ADAMTSL1: variants seen among roughly 807,000 people sequenced by gnomAD.
ADAMTSL1 encodes the protein ADAMTS-like protein 1.
ADAMTSL1 carries 126 observed loss-of-function variants against 201.8 expected under a neutral mutation model. That is an observed-to-expected ratio of 0.62 (90% CI 0.54 to 0.72). ADAMTSL1 has a LOEUF of 0.72. ADAMTSL1 is among the 30% of genes least tolerant of loss of function. The pLI, the probability that ADAMTSL1 is intolerant of heterozygous loss-of-function variation, is 0.00. For synonymous variants in ADAMTSL1, 1,121 were observed against 903.4 expected, an observed-to-expected ratio of 1.24 and a Z score of -4.32; for missense variants, 2,679 against 2,277.8, an observed-to-expected ratio of 1.18 and a Z score of -3.59.
intron 20 of ADAMTSL1, among the ~76,000 whole-genome samples, chr9:18,813,613 A>T (rs2131162503): frequency 6.6e-6 from 1 of 152,274 alleles, no homozygotes; most frequent in Non-Finnish European, 1.5e-5. Flanking sequence ...GATTATTTTC[A>T]GGTAGTTTAC....
At position 18,504,884 on chromosome 9, in the gene ADAMTSL1, G is replaced by A; in HGVS notation, c.119G>A (p.Gly40Asp). The A allele has an allele frequency of 4.3e-6, 7 of 1,613,466 alleles. No homozygotes were observed. Among genetic ancestry groups the A allele is most frequent in the Non-Finnish European group, 5.9e-6 (7 of 1,179,834 alleles). The change falls in exon 2 of 29, where the codon GGC (glycine) becomes GAC (aspartate). Residue 40 changes from glycine to aspartate, a missense_variant. Coordinates refer to ENST00000380548, the MANE Select transcript of ADAMTSL1 (RefSeq NM_001040272.6). ...EDRDGLWDAW[G>D]PWSECSRTCG... ...CGGGACGGCCTATGGGATGCCTGGG[G>A]CCCATGGAGTGAATGCTCACGCACC...
intron 14 of ADAMTSL1, among the ~76,000 whole-genome samples, chr9:18,717,473 A>G (rs945875098): frequency 1.3e-5 from 2 of 152,078 alleles, no homozygotes; most frequent in Admixed American, 6.5e-5. Context: ...ATTTTCTACA[A>G]TAATAGTGAC....
intron 4 of ADAMTSL1, among the ~76,000 whole-genome samples, chr9:18,593,380 A>G (rs1160477871): frequency 6.6e-6 from 1 of 151,566 alleles, no homozygotes; most frequent in Non-Finnish European, 1.5e-5. Flanking sequence ...GATCTTTTAT[A>G]TTGTTTTCCT....
intron 2 of ADAMTSL1, among the ~76,000 whole-genome samples, chr9:18,451,181 T>C (rs1246472993): frequency 6.6e-6 from 1 of 152,172 alleles, no homozygotes; most frequent in East Asian, 1.9e-4. Context: ...TTATCAAAGC[T>C]GAGAATATTC....
intron 1 of ADAMTSL1, among the ~76,000 whole-genome samples, chr9:18,139,672 A>T (rs1826313945): frequency 6.6e-6 from 1 of 152,180 alleles, no homozygotes; most frequent in Non-Finnish European, 1.5e-5. Context: ...TAGCTATCCT[A>T]TGTGACTGCT....
At chr9:18,109,446 A>G (rs1490601161) in intron 1 of ADAMTSL1, among the ~76,000 whole-genome samples, 1 of 152,144 alleles carries the variant, frequency 6.6e-6, no homozygotes, top group Non-Finnish European at 1.5e-5. Flanking sequence ...TCTGAAGAAT[A>G]CTAAGTGCCC....
intron 26 of ADAMTSL1, among the ~76,000 whole-genome samples, chr9:18,897,709 G>C (rs1407113007): frequency 6.6e-6 from 1 of 152,218 alleles, no homozygotes; most frequent in Admixed American, 6.5e-5. Flanking sequence ...TCAAAGGTCA[G>C]CAACCTCAAC....
chr9:18,284,120 T>C (rs943249991), intron 2 of ADAMTSL1, among the ~76,000 whole-genome samples: 3 of 151,038 alleles, frequency 2.0e-5, no homozygotes, highest in African/African-American at 4.9e-5. Context: ...ATTCCACTAC[T>C]CGGGAGGCTG....
At chr9:18,549,615 C>T (rs934059147) in intron 3 of ADAMTSL1, among the ~76,000 whole-genome samples, 6 of 151,944 alleles carry the variant, frequency 3.9e-5, no homozygotes, top group African/African-American at 1.4e-4. Context: ...TATTCTTTTC[C>T]TAATGAGTGT....
intron 2 of ADAMTSL1, among the ~76,000 whole-genome samples, chr9:18,373,104 G>C (rs1587000124): frequency 6.6e-6 from 1 of 152,154 alleles, no homozygotes; most frequent in Non-Finnish European, 1.5e-5. Flanking sequence ...GTTTAAGTTG[G>C]ATTATTTCTG....
intron 1 of ADAMTSL1, among the ~76,000 whole-genome samples, chr9:18,073,752 A>G (rs1443919452): frequency 6.6e-6 from 1 of 152,222 alleles, no homozygotes; most frequent in African/African-American, 2.4e-5. Flanking sequence ...GGGATTAAAA[A>G]TAACAGATTC....
chr9:18,477,452 C>T (rs1821509802), intron 1 of ADAMTSL1, among the ~76,000 whole-genome samples: 1 of 152,184 alleles, frequency 6.6e-6, no homozygotes. Context: ...CCCTCTGGCA[C>T]TCTCTCCCAC....
intron 3 of ADAMTSL1, among the ~76,000 whole-genome samples, chr9:18,572,968 C>T (rs564923165): frequency 1.6e-4 from 25 of 152,206 alleles, no homozygotes; most frequent in Non-Finnish European, 3.1e-4. Flanking sequence ...TATCAAAAAG[C>T]CCTTCCAAGG....
chr9:18,824,224 G>A (rs1285323607), intron 21 of ADAMTSL1, among the ~76,000 whole-genome samples: 1 of 151,640 alleles, frequency 6.6e-6, no homozygotes, highest in African/African-American at 2.4e-5. Context: ...AGGGTCCAAA[G>A]TCCAAGCTGG....
chr9:18,679,041 C>A (rs995791884), intron 10 of ADAMTSL1, among the ~76,000 whole-genome samples: 5 of 152,094 alleles, frequency 3.3e-5, no homozygotes, highest in African/African-American at 1.2e-4. Flanking sequence ...TTTTGGCAGG[C>A]AGATAACAGT....
intron 4 of ADAMTSL1, among the ~76,000 whole-genome samples, chr9:18,617,534 C>T (rs1825771492): frequency 6.6e-6 from 1 of 151,536 alleles, no homozygotes; most frequent in Non-Finnish European, 1.5e-5. Context: ...GGGCAGTTCT[C>T]TCCCTCCCTT....
At chr9:17,952,917 C>CCTCCTCCTCCTCCTCCTCCT (rs1827784270) in intron 1 of ADAMTSL1, among the ~76,000 whole-genome samples, 3 of 145,994 alleles carry the variant, frequency 2.1e-5, no homozygotes, top group Non-Finnish European at 3.0e-5. Flanking sequence ...TTCCTCCTTT[C>CCTCCTCCTCCTCCTCCTCCT]CCTCCTCCTC....
intron 7 of ADAMTSL1, among the ~76,000 whole-genome samples, chr9:18,653,226 C>T (rs998930117): frequency 5.3e-5 from 8 of 152,196 alleles, no homozygotes; most frequent in African/African-American, 1.7e-4. Flanking sequence ...CAGATCCCTG[C>T]CCAATCCTGC....
At chr9:18,892,338 C>A (rs1353701141) in intron 25 of ADAMTSL1, 51 bp from the exon 26 acceptor site, 2 of 1,557,402 alleles carry the variant, frequency 1.3e-6, no homozygotes, top group Admixed American at 3.7e-5. Context: ...GGTCTCTTTT[C>A]CCCAGGGCCT....
Sources: allele counts gnomAD v4.1 joint callset (sites outside exome capture counted in the v4.1 genomes callset), GRCh38; gene constraint gnomAD v4.1.1; transcripts MANE v1.5; gene names NCBI Gene and HGNC (gene_info 2026-07-23, HGNC 2026-07-21).